Variants in TENM3 observed in about 807,000 individuals in gnomAD.
TENM3 encodes the protein teneurin-3.
TENM3 carries 63 observed loss-of-function variants against 255.1 expected under a neutral mutation model. That is an observed-to-expected ratio of 0.25 (90% CI 0.20 to 0.30). TENM3 has a LOEUF of 0.30. TENM3 is among the 10% of genes least tolerant of loss of function. The probability of loss-of-function intolerance (pLI) is 1.00; values close to 1 mark genes in which losing one functional copy is unlikely to be tolerated. For synonymous variants in TENM3, 1,306 were observed against 1,322.3 expected, an observed-to-expected ratio of 0.99 and a Z score of 0.27; for missense variants, 2,929 against 3,461.1, an observed-to-expected ratio of 0.85 and a Z score of 3.86.
At chr4:181,650,839 T>C in the TENM3 span, among the ~76,000 whole-genome samples, 1 of 152,248 alleles carries the variant, frequency 6.6e-6, no homozygotes, top group African/African-American at 2.4e-5. Context: ...ACAGAGTATT[T>C]GGAAAGTGAA....
At chr4:182,230,897 G>A (rs1756530653) in intron 1 of TENM3, among the ~76,000 whole-genome samples, 1 of 121,678 alleles carries the variant, frequency 8.2e-6, no homozygotes, top group African/African-American at 3.2e-5. Context: ...TACAGCACAC[G>A]AAGAGGCAGG....
chr4:182,730,351 G>A (rs928937993), intron 15 of TENM3, 32 bp downstream of exon 15: 5 of 1,609,802 alleles, frequency 3.1e-6, no homozygotes, highest in Admixed American at 3.3e-5. Context: ...ATCTCTGAAG[G>A]ATTTGAAATA....
chr4:182,396,891 G>C (rs1390657233), intron 3 of TENM3, among the ~76,000 whole-genome samples: 1 of 152,198 alleles, frequency 6.6e-6, no homozygotes, highest in Non-Finnish European at 1.5e-5. Context: ...GTACGCGAGA[G>C]TGGGAGGTTG....
chr4:182,648,634 C>T (rs187587184), intron 5 of TENM3, among the ~76,000 whole-genome samples: 49 of 152,172 alleles, frequency 3.2e-4, no homozygotes, highest in Non-Finnish European at 5.7e-4. Flanking sequence ...GTATATGGAT[C>T]GCAATAAGTG....
chr4:182,447,118 G>A (rs1483198760), intron 3 of TENM3, among the ~76,000 whole-genome samples: 2 of 152,032 alleles, frequency 1.3e-5, no homozygotes, highest in African/African-American at 2.4e-5. Flanking sequence ...TTAAATAACC[G>A]CCTTGTGTTT....
chr4:181,518,037 G>T, the TENM3 span, among the ~76,000 whole-genome samples: 1 of 149,648 alleles, frequency 6.7e-6, no homozygotes, highest in Non-Finnish European at 1.5e-5. Context: ...GTTCATCAAG[G>T]GAAAAAAAAT....
the TENM3 span, among the ~76,000 whole-genome samples, chr4:181,742,834 T>A: frequency 1.9e-4 from 10 of 52,646 alleles, no homozygotes; most frequent in Non-Finnish European, 2.6e-4. Flanking sequence ...CCCTCCCCCC[T>A]CCCCACAACA....
At chr4:181,494,301 T>A in the TENM3 span, among the ~76,000 whole-genome samples, 1 of 152,216 alleles carries the variant, frequency 6.6e-6, no homozygotes, top group Non-Finnish European at 1.5e-5. Context: ...CTTCTTTTTT[T>A]GAGACAGAGT....
chr4:181,769,261 A>G, the TENM3 span, among the ~76,000 whole-genome samples: 1 of 152,228 alleles, frequency 6.6e-6, no homozygotes, highest in African/African-American at 2.4e-5. Context: ...TCACTAACAA[A>G]TGGTATATTA....
intron 3 of TENM3, among the ~76,000 whole-genome samples, chr4:182,423,221 G>A (rs976695532): frequency 2.6e-5 from 4 of 151,756 alleles, no homozygotes; most frequent in Non-Finnish European, 4.4e-5. Flanking sequence ...TTTTCTTTTC[G>A]GAGGTCTGCT....
At chr4:181,564,095 C>T in the TENM3 span, among the ~76,000 whole-genome samples, 1 of 136,798 alleles carries the variant, frequency 7.3e-6, no homozygotes, top group Non-Finnish European at 1.5e-5. Flanking sequence ...GGCTGGAGTG[C>T]ACTGGCAGGA....
chr4:182,623,544 G>A (rs1333229484), intron 4 of TENM3, among the ~76,000 whole-genome samples: 1 of 151,194 alleles, frequency 6.6e-6, no homozygotes, highest in Non-Finnish European at 1.5e-5. Flanking sequence ...TGTTGGCCGG[G>A]CTGGTCTCGA....
chr4:181,909,607 A>C, the TENM3 span, among the ~76,000 whole-genome samples: 1 of 150,606 alleles, frequency 6.6e-6, no homozygotes, highest in Admixed American at 6.6e-5. Flanking sequence ...CACCCACATC[A>C]TACTGTATTT....
At chr4:181,498,357 T>A in the TENM3 span, among the ~76,000 whole-genome samples, 2 of 152,056 alleles carry the variant, frequency 1.3e-5, no homozygotes, top group East Asian at 3.9e-4. Flanking sequence ...ATCAAGGAGG[T>A]GAAAATCCCT....
At chr4:182,720,382 A>G (rs184540265) in intron 13 of TENM3, among the ~76,000 whole-genome samples, 79 of 152,228 alleles carry the variant, frequency 5.2e-4, no homozygotes, top group African/African-American at 1.7e-3. Context: ...AAAAATTACA[A>G]GAGATCACAA....
At chr4:182,719,252 CTTTTTTTT>C (rs11348241) in intron 13 of TENM3, among the ~76,000 whole-genome samples, 28 of 80,824 alleles carry the variant, frequency 3.5e-4, no homozygotes, top group Non-Finnish European at 1.3e-4. Context: ...TTTTTTTTTT[CTTTTTTTT>C]TTTTTTTTTT....
At chr4:181,747,615 T>A in the TENM3 span, among the ~76,000 whole-genome samples, 1 of 152,062 alleles carries the variant, frequency 6.6e-6, no homozygotes, top group Admixed American at 6.6e-5. Flanking sequence ...TTATTTTACA[T>A]GTATCAAATA....
chr4:182,345,659 A>G (rs1764753181), intron 2 of TENM3, among the ~76,000 whole-genome samples: 1 of 152,210 alleles, frequency 6.6e-6, no homozygotes, highest in Non-Finnish European at 1.5e-5. Context: ...CATCCATAGT[A>G]GTATAAAACG....
chr4:181,992,330 A>T, the TENM3 span, among the ~76,000 whole-genome samples: 3 of 152,304 alleles, frequency 2.0e-5, no homozygotes, highest in Middle Eastern at 3.4e-3. Flanking sequence ...GCGTTCTCTC[A>T]TTAGTGCAAC....
Sources: gnomAD v4.1 joint callset for allele counts (sites outside exome capture counted in the v4.1 genomes callset) on GRCh38, gnomAD v4.1.1 for gene constraint, MANE v1.5 for transcripts, NCBI Gene and HGNC (gene_info 2026-07-23, HGNC 2026-07-21) for gene names.